Variants in SRD5A3 observed in about 807,000 individuals in gnomAD.
SRD5A3 encodes the protein polyprenal reductase.
SRD5A3 carries 24 observed loss-of-function variants against 34.3 expected under a neutral mutation model. The ratio of observed to expected loss-of-function variants is 0.70; its 90% CI spans 0.51 to 0.99. The LOEUF is 0.99. Among genes scored for constraint, SRD5A3 ranks in the 50% least tolerant of loss-of-function variants. The pLI is 0.00. For synonymous variants in SRD5A3, 161 were observed against 167.3 expected, an observed-to-expected ratio of 0.96 and a Z score of 0.29; for missense variants, 350 against 388.2, an observed-to-expected ratio of 0.90 and a Z score of 0.83.
chr4:55,353,331 CTG>C (rs1578202526), intron 1 of SRD5A3, among the ~76,000 whole-genome samples: 1 of 152,098 alleles, frequency 6.6e-6, no homozygotes, highest in East Asian at 1.9e-4. Flanking sequence ...CAATAGTACT[CTG>C]TAAAAATGCA....
At position 55,370,161 on chromosome 4, in the gene SRD5A3, C is replaced by T. The variant is rs2538; in HGVS notation, c.*70C>T. 0.29 allele frequency: 459,419 copies of T among 1,590,128 alleles called. 68,209 individuals carry two copies. Among genetic ancestry groups the T allele is most frequent in the South Asian group, 0.39 (35,144 of 90,286 alleles). On this transcript the variant is annotated 3_prime_UTR_variant, in exon 5 of 5. Transcript: ENST00000264228. The stretch of plus-strand genomic sequence containing the variant: ...TGCCTAAGGACAGTGAAGTCTGGAG[C>T]CCAAAGTACAGTTTCAGCAAAGCTG...
At position 55,364,276 on chromosome 4, in the gene SRD5A3, G is replaced by A; in HGVS notation, c.562+5G>A. The stretch of plus-strand genomic sequence containing the variant: ...TGCCAATGGATGGCAGGAATGGTGA[G>A]TGGATCCAGCCCTGCCAGGAGCTCC... On this transcript the variant is annotated splice_donor_5th_base_variant and intron_variant, in intron 3 of 4. Coordinates refer to ENST00000264228, the MANE Select transcript of SRD5A3 (RefSeq NM_024592.5). 1 of 1,613,946 alleles carries A rather than the reference G, an allele frequency of 6.2e-7. No homozygotes were observed. Among genetic ancestry groups the A allele is most frequent in the Non-Finnish European group, 8.5e-7 (1 of 1,180,032 alleles).
chr4:55,366,311 C>G (rs1441990280), intron 3 of SRD5A3, among the ~76,000 whole-genome samples: 1 of 152,132 alleles, frequency 6.6e-6, no homozygotes, highest in Non-Finnish European at 1.5e-5. Flanking sequence ...GCTCTTGAAG[C>G]CTGTCAGATT....
chr4:55,370,379 C>A lies in SRD5A3; in HGVS notation c.*288C>A. 4.5e-6 allele frequency: 2 copies of A among 441,886 alleles called. No individual in the cohort carries two copies. Among genetic ancestry groups the A allele is most frequent in the Non-Finnish European group, 8.3e-6 (2 of 240,028 alleles). 27.4% of individuals were successfully genotyped at this position (441,886 alleles called of 1,614,324 possible). The stretch of plus-strand genomic sequence containing the variant: ...TGATAAAAAGTAGATGAGACTTCTC[C>A]AAGCTGCTTCACAAGCAAACTAACC... On this transcript the variant is annotated 3_prime_UTR_variant, in exon 5 of 5. Transcript: ENST00000264228.
intron 1 of SRD5A3, among the ~76,000 whole-genome samples, chr4:55,356,449 G>T (rs1185532472): frequency 6.6e-6 from 1 of 152,036 alleles, no homozygotes; most frequent in Non-Finnish European, 1.5e-5. Flanking sequence ...CCTATCTCCA[G>T]AACTTGTCCA....
chr4:55,358,793 A>G (rs1346188574), intron 1 of SRD5A3, among the ~76,000 whole-genome samples: 1 of 152,198 alleles, frequency 6.6e-6, no homozygotes, highest in Non-Finnish European at 1.5e-5. Context: ...TTGTAGTATT[A>G]GTCATGTTAT....
chr4:55,362,217 TC>T (rs1430418730), intron 2 of SRD5A3, among the ~76,000 whole-genome samples: 1 of 150,090 alleles, frequency 6.7e-6, no homozygotes, highest in African/African-American at 2.5e-5. Context: ...AACCTACCCC[TC>T]CCGGGTTCAA....
At position 55,372,172 on chromosome 4, in the gene SRD5A3, A is replaced by G. The variant is rs1234011315; in HGVS notation, c.*2081A>G. The G allele has an allele frequency of 1.3e-5, 2 of 152,222 alleles. No homozygotes were observed. The highest frequency in any genetic ancestry group is 4.8e-5 in the African/African-American group (2 of 41,456). 9.4% of individuals were successfully genotyped at this position (152,222 alleles called of 1,614,324 possible). A position where few individuals can be genotyped will look rare whatever the true frequency, so the allele number is the denominator to read the frequency against. On this transcript the variant is annotated 3_prime_UTR_variant, in exon 5 of 5. Transcript: ENST00000264228. Reference sequence around the variant, plus strand: ...CAGTTTGGTCTTAATTTCCACATGAATATCAAGTGTAATTTTTAATAAATT... The same window carrying G: ...CAGTTTGGTCTTAATTTCCACATGAGTATCAAGTGTAATTTTTAATAAATT...
chr4:55,354,340 T>C (rs6812333), intron 1 of SRD5A3, among the ~76,000 whole-genome samples: 6,002 of 152,244 alleles, frequency 0.039, 410 homozygotes, highest in African/African-American at 0.14. Flanking sequence ...TCAGGTGATC[T>C]GCCCTCAGCC....
intron 1 of SRD5A3, among the ~76,000 whole-genome samples, chr4:55,348,769 G>A (rs1053838342): frequency 1.3e-5 from 2 of 152,290 alleles, no homozygotes; most frequent in Admixed American, 1.3e-4. Context: ...TAGCAGTTGT[G>A]CAGTGATGCT....
At chr4:55,352,513 C>T (rs1449462463) in intron 1 of SRD5A3, 1 of 554,310 alleles carries the variant, frequency 1.8e-6, no homozygotes, top group African/African-American at 1.9e-5. Context: ...AACCCCTGCT[C>T]TAGACTGTAA....
chr4:55,352,348 C>A, intron 1 of SRD5A3: 1 of 791,288 alleles, frequency 1.3e-6, no homozygotes, highest in South Asian at 1.3e-5. Context: ...AGCCTCTGAT[C>A]CCTGAGACTA....
chr4:55,349,106 C>T (rs965679838), intron 1 of SRD5A3, among the ~76,000 whole-genome samples: 8 of 152,172 alleles, frequency 5.3e-5, no homozygotes, highest in Admixed American at 2.6e-4. Flanking sequence ...TCAGTCTTAG[C>T]TCACTGCAAC....
At position 55,364,285 on chromosome 4, in the gene SRD5A3, G is replaced by A; in HGVS notation, c.562+14G>A. On this transcript the variant is annotated intron_variant, in intron 3 of 4. Coordinates refer to ENST00000264228, the MANE Select transcript of SRD5A3 (RefSeq NM_024592.5). ...ATGGCAGGAATGGTGAGTGGATCCA[G>A]CCCTGCCAGGAGCTCCCCACCCCAG... The A allele has an allele frequency of 6.2e-7, 1 of 1,613,716 alleles. No individual in the cohort carries two copies. The highest frequency in any genetic ancestry group is 8.5e-7 in the Non-Finnish European group (1 of 1,179,988).
Position 55,346,344 on chromosome 4 carries a change from C to T in SRD5A3, c.8C>T (p.Pro3Leu). Residue 3 changes from proline (P) to leucine (L), a missense_variant, in exon 1 of 5, where the codon CCC (proline) becomes CTC (leucine). This residue lies in a region of SRD5A3 where 159 missense variants were observed against 149.1 expected (regional missense o/e 1.07). Coordinates refer to ENST00000264228, the MANE Select transcript of SRD5A3 (RefSeq NM_024592.5). ...AAGGCGGGCACGCGGGCCATGGCTC[C>T]CTGGGCGGAGGCCGAGCACTCGGCG... MA[P>L]WAEAEHSALN... 6.7e-7 allele frequency: 1 copy of T among 1,503,298 alleles called. No individual in the cohort carries two copies. The highest frequency in any genetic ancestry group is 8.9e-7 in the Non-Finnish European group (1 of 1,127,622). 93.1% of individuals were successfully genotyped at this position (1,503,298 alleles called of 1,614,324 possible).
rs1720103899 is a variant in SRD5A3, at chr4:55,370,880, C to T, written c.*789C>T. 1 of 151,954 alleles carries T rather than the reference C, an allele frequency of 6.6e-6. No homozygotes were observed. Among genetic ancestry groups the T allele is most frequent in the Admixed American group, 6.6e-5 (1 of 15,250 alleles). 9.4% of individuals were successfully genotyped at this position (151,954 alleles called of 1,614,324 possible). On this transcript the variant is annotated 3_prime_UTR_variant, in exon 5 of 5. Coordinates refer to ENST00000264228, the MANE Select transcript of SRD5A3 (RefSeq NM_024592.5). ...CCTGGCCTGGGCAACAGAGCAAGACCCTGTCTCAAAATAATAATAATATAT... is the reference window on the plus strand; with the variant it reads ...CCTGGCCTGGGCAACAGAGCAAGACTCTGTCTCAAAATAATAATAATATAT...
chr4:55,372,282 T>C lies in SRD5A3; in HGVS notation c.*2191T>C, dbSNP rs1346526977. On this transcript the variant is annotated 3_prime_UTR_variant, in exon 5 of 5. Transcript: ENST00000264228. ...ATTTGGCTGATGTTCTGGAATCTCA[T>C]TGTACTCTTAAGTAAAATAACGAGC... The C allele has an allele frequency of 6.6e-6, 1 of 152,178 alleles. No individual in the cohort carries two copies. The highest frequency in any genetic ancestry group is 1.9e-4 in the East Asian group (1 of 5,200). The allele number at this position is 152,178 out of a possible 1,614,324, so 9.4% of individuals were successfully genotyped here.
At chr4:55,359,297 T>C (rs1266301293) in intron 1 of SRD5A3, 49 bp from the exon 2 acceptor site, 1 of 1,611,230 alleles carries the variant, frequency 6.2e-7, no homozygotes, top group Admixed American at 1.7e-5. Flanking sequence ...GTATAAGAGC[T>C]TGAAGTGGAT....
chr4:55,370,202 T>G lies in SRD5A3; in HGVS notation c.*111T>G. 7.0e-7 allele frequency: 1 copy of G among 1,426,276 alleles called. No homozygotes were observed. Among genetic ancestry groups the G allele is most frequent in the South Asian group, 1.2e-5 (1 of 86,264 alleles). 88.4% of individuals were successfully genotyped at this position (1,426,276 alleles called of 1,614,324 possible). The stretch of plus-strand genomic sequence containing the variant: ...AGCAAAGCTGTTTGAAACTCTCCAT[T>G]CCATTTCTATACCCCACAAGTTTTC... On this transcript the variant is annotated 3_prime_UTR_variant, in exon 5 of 5. Transcript: ENST00000264228.
Sources: allele counts gnomAD v4.1 joint callset (sites outside exome capture counted in the v4.1 genomes callset), GRCh38; gene constraint gnomAD v4.1.1; regional missense constraint gnomAD v4.1.1; transcripts MANE v1.5; gene names NCBI Gene and HGNC (gene_info 2026-07-23, HGNC 2026-07-21).